USP35: variants seen among roughly 807,000 people sequenced by gnomAD.
USP35 encodes ubiquitin carboxyl-terminal hydrolase 35.
In USP35, 69 loss-of-function variants were observed where a neutral mutation model predicts 83.8. The ratio of observed to expected loss-of-function variants is 0.82; its 90% CI spans 0.68 to 1.01. The LOEUF (loss-of-function observed/expected upper bound fraction) is 1.01, where lower values mean the gene tolerates loss of function less well. Ranked by LOEUF, USP35 falls within the 50% of genes least tolerant of loss-of-function variation. The pLI, the probability that USP35 is intolerant of heterozygous loss-of-function variation, is 0.00. For missense variants in USP35, 1,503 were observed against 1,362.5 expected, an observed-to-expected ratio of 1.10 and a Z score of -1.62; for synonymous variants, 714 against 589.5, an observed-to-expected ratio of 1.21 and a Z score of -3.06.
At chr11:78,227,698 G>A in the USP35 span, among the ~76,000 whole-genome samples, 2 of 150,994 alleles carry the variant, frequency 1.3e-5, no homozygotes, top group Admixed American at 1.3e-4. Flanking sequence ...TTCTGGTGAG[G>A]CTAAGGGAGG....
chr11:78,189,778 A>G (rs1212084032), intron 1 of USP35, among the ~76,000 whole-genome samples: 3 of 152,016 alleles, frequency 2.0e-5, no homozygotes, highest in Non-Finnish European at 1.5e-5. Context: ...TCTCCTCCTT[A>G]TCCTTTGAGG....
At chr11:78,220,584 T>C in the USP35 span, 1 of 627,478 alleles carries the variant, frequency 1.6e-6, no homozygotes, top group African/African-American at 1.9e-5. Context: ...CTTTTCATGT[T>C]TTCATTTTAA....
chr11:78,220,948 G>A, the USP35 span, among the ~76,000 whole-genome samples: 2,389 of 152,242 alleles, frequency 0.016, 65 homozygotes, highest in African/African-American at 0.054. Flanking sequence ...CCTAGAGTGG[G>A]GTAGTCACCC....
At position 78,198,657 on chromosome 11, in the gene USP35, C is replaced by T. The variant is rs1020962952; in HGVS notation, c.806+589C>T. ...TCTTTCCATCCCGTGTGCAGATCCA[C>T]CGTCTTCGTAGGGCCTTCCTGGATT... On this transcript the variant is annotated intron_variant, in intron 3 of 10. Coordinates refer to ENST00000529308, the MANE Select transcript of USP35 (RefSeq NM_020798.4). The T allele has an allele frequency of 4.1e-6, 4 of 985,314 alleles. No homozygotes were observed. In the South Asian group the frequency reaches 1.4e-4, roughly 35 times the overall value. The allele number at this position is 985,314 out of a possible 1,614,324, so 61.0% of individuals were successfully genotyped here. A position where few individuals can be genotyped will look rare whatever the true frequency, so the allele number is the denominator to read the frequency against.
Position 78,206,944 on chromosome 11 carries a change from C to T in USP35, c.1392-586C>T, listed in dbSNP as rs1277669340. ...GCCAGTCTACCCATCCCTAAAGGGT[C>T]CTCTTCGTTTAGCGTATTCCTCACA... On this transcript the variant is annotated intron_variant, in intron 7 of 10. Coordinates refer to ENST00000529308, the MANE Select transcript of USP35 (RefSeq NM_020798.4). 2.0e-5 allele frequency among the ~76,000 whole-genome samples: 3 copies of T among 152,204 alleles called. No homozygotes were observed. The East Asian group carries it at 5.8e-4, about 29-fold the overall frequency.
the USP35 span, among the ~76,000 whole-genome samples, chr11:78,229,117 C>T: frequency 0.25 from 38,257 of 151,942 alleles, 5,531 homozygotes; most frequent in East Asian, 0.4. Flanking sequence ...TATGTAGCTG[C>T]TGACAGTTGG....
At chr11:78,205,549 C>T (rs1234861409) in intron 6 of USP35, among the ~76,000 whole-genome samples, 1 of 152,224 alleles carries the variant, frequency 6.6e-6, no homozygotes, top group Non-Finnish European at 1.5e-5. Flanking sequence ...GACAGCGACC[C>T]TGGACAATTA....
chr11:78,209,315 T>G, intron 9 of USP35, 133 bp from the exon 10 acceptor site: 1 of 948,696 alleles, frequency 1.1e-6, no homozygotes, highest in Non-Finnish European at 1.6e-6. Flanking sequence ...TGTGTGGGTG[T>G]TTGGTGTGTG....
intron 1 of USP35, among the ~76,000 whole-genome samples, chr11:78,195,962 A>C (rs1863129911): frequency 6.6e-6 from 1 of 152,100 alleles, no homozygotes; most frequent in Admixed American, 6.5e-5. Context: ...TCCTGGGCTC[A>C]AGGGATCCTG....
At chr11:78,227,631 C>CAAAA in the USP35 span, among the ~76,000 whole-genome samples, 3 of 106,124 alleles carry the variant, frequency 2.8e-5, no homozygotes, top group African/African-American at 7.2e-5. Flanking sequence ...CCATTGCCAC[C>CAAAA]AAAAAAAAAA....
intron 1 of USP35, among the ~76,000 whole-genome samples, chr11:78,191,069 A>G (rs538725927): frequency 1.7e-3 from 257 of 152,302 alleles, no homozygotes; most frequent in African/African-American, 5.7e-3. Flanking sequence ...CCATCTGACG[A>G]TGCTGCATCT....
chr11:78,231,591 G>C, the USP35 span, among the ~76,000 whole-genome samples: 1 of 152,116 alleles, frequency 6.6e-6, no homozygotes, highest in Non-Finnish European at 1.5e-5. Flanking sequence ...CTCGTGGTCT[G>C]CCCGCCTCAG....
chr11:78,210,270 C>T lies in USP35; in HGVS notation c.2415C>T (p.Ile805=). The T allele has an allele frequency of 6.2e-7, 1 of 1,614,172 alleles. No individual in the cohort carries two copies. Among genetic ancestry groups the T allele is most frequent in the Non-Finnish European group, 8.5e-7 (1 of 1,180,040 alleles). Reference sequence around the variant, plus strand: ...TGAGCCAAGGGCCGTGCTACCTCATCCTCACACTGCTGCGCTTCTCTTTCG... The same window carrying T: ...TGAGCCAAGGGCCGTGCTACCTCATTCTCACACTGCTGCGCTTCTCTTTCG... ...VELSQGPCYL[I]LTLLRFSFDL... Residue 805 remains isoleucine (I), a synonymous_variant, in exon 10 of 11, where the codon ATC becomes ATT. Coordinates refer to ENST00000529308, the MANE Select transcript of USP35 (RefSeq NM_020798.4).
At chr11:78,231,336 GGTGTGTGTGTGTGTGTGTGT>G in the USP35 span, among the ~76,000 whole-genome samples, 1 of 145,796 alleles carries the variant, frequency 6.9e-6, no homozygotes, top group East Asian at 2.0e-4. Flanking sequence ...GCGCGTGTGT[GGTGTGTGTGTGTGTGTGTGT>G]GTGTGTGTGT....
At chr11:78,224,828 C>T in the USP35 span, among the ~76,000 whole-genome samples, 1 of 152,240 alleles carries the variant, frequency 6.6e-6, no homozygotes, top group East Asian at 1.9e-4. Context: ...CCCCACCGTG[C>T]AGCCTGGGTC....
At chr11:78,232,817 T>C in the USP35 span, among the ~76,000 whole-genome samples, 2 of 152,314 alleles carry the variant, frequency 1.3e-5, no homozygotes, top group African/African-American at 4.8e-5. Context: ...ATGTCTAGTC[T>C]ATGCGAGGCA....
rs761683102 is a variant in USP35, at chr11:78,210,075, C to A, written c.2220C>A (p.Thr740=). The stretch of plus-strand genomic sequence containing the variant: ...AAGAAGACAGCCTGGGAGCGGGGAC[C>A]CACCCGGATGCTGCCATCCCCTCCG... ...EKEEDSLGAG[T]HPDAAIPSGE... The change falls in exon 10 of 11, where the codon ACC becomes ACA. Residue 740 remains threonine (T), a synonymous_variant. Transcript: ENST00000529308. The A allele has an allele frequency of 6.2e-7, 1 of 1,613,928 alleles. No individual in the cohort carries two copies. The highest frequency in any genetic ancestry group is 2.2e-5 in the East Asian group (1 of 44,876).
At chr11:78,228,339 GAATC>G in the USP35 span, among the ~76,000 whole-genome samples, 2 of 152,204 alleles carry the variant, frequency 1.3e-5, no homozygotes, top group Non-Finnish European at 2.9e-5. Flanking sequence ...GGGAAAAAAA[GAATC>G]AATCCTTTGT....
rs1863943971 is a variant in USP35, at chr11:78,214,101, C to CTCCCCA, written c.*290_*295dup. ...TGCCTCCCCCTCCTTCCCTAGCAGGCTCCCCATGCGGGAAGATCTGATGAT... is the reference window on the plus strand; with the variant it reads ...TGCCTCCCCCTCCTTCCCTAGCAGGCTCCCCATCCCCATGCGGGAAGATCTGATGAT... On this transcript the variant is annotated 3_prime_UTR_variant, in exon 11 of 11. Coordinates refer to ENST00000529308, the MANE Select transcript of USP35 (RefSeq NM_020798.4). 3.0e-6 allele frequency: 1 copy of CTCCCCA among 330,700 alleles called. No individual in the cohort carries two copies. Among genetic ancestry groups the CTCCCCA allele is most frequent in the South Asian group, 6.0e-5 (1 of 16,550 alleles). 20.5% of individuals were successfully genotyped at this position (330,700 alleles called of 1,614,324 possible). A position where few individuals can be genotyped will look rare whatever the true frequency, so the allele number is the denominator to read the frequency against.
Sources: gnomAD v4.1 joint callset for allele counts (sites outside exome capture counted in the v4.1 genomes callset) on GRCh38, gnomAD v4.1.1 for gene constraint, MANE v1.5 for transcripts, NCBI Gene and HGNC (gene_info 2026-07-23, HGNC 2026-07-21) for gene names.